Variants in LRRC4B observed in about 807,000 individuals in gnomAD.
LRRC4B encodes leucine rich repeat containing 4B.
LRRC4B carries 1 observed loss-of-function variant against 7.3 expected under a neutral mutation model. That is an observed-to-expected ratio of 0.14 (90% CI 0.05 to 0.65). The LOEUF is 0.65. Among genes scored for constraint, LRRC4B ranks in the 30% least tolerant of loss-of-function variants. The pLI is 0.84. For missense variants in LRRC4B, 730 were observed against 1,041.6 expected (o/e 0.70, Z 4.12); for synonymous variants, 500 against 499.2 (o/e 1.00, Z -0.02).
intron 2 of LRRC4B, among the ~76,000 whole-genome samples, chr19:50,541,109 G>A (rs1356424192): frequency 3.3e-5 from 5 of 151,728 alleles, no homozygotes; most frequent in Admixed American, 6.6e-5. Context: ...GCGTGAACCC[G>A]GGAGGCGGAG....
chr19:50,528,726 G>A (rs533974649), intron 2 of LRRC4B, among the ~76,000 whole-genome samples: 2 of 152,248 alleles, frequency 1.3e-5, no homozygotes, highest in East Asian at 1.9e-4. Flanking sequence ...TGAGACCTCC[G>A]TGAATGCTAT....
At chr19:50,538,183 C>T (rs183216868) in intron 2 of LRRC4B, among the ~76,000 whole-genome samples, 12 of 152,330 alleles carry the variant, frequency 7.9e-5, no homozygotes, top group Non-Finnish European at 1.6e-4. Flanking sequence ...CTGCCTCAGC[C>T]TCCTGAGTAG....
Position 50,548,813 on chromosome 19 carries a change from C to T in LRRC4B, c.26G>A (p.Cys9Tyr). Reference sequence around the variant, plus strand: ...CATCCTACCGGGCGGCAGCGGGGGGCACGGGGAGCCGCGGGCACGCGCCAT... The same window carrying T: ...CATCCTACCGGGCGGCAGCGGGGGGTACGGGGAGCCGCGGGCACGCGCCAT... MARARGSP[C>Y]PPLPPGRMSW... The change falls in exon 2 of 3, where the codon TGC becomes TAC. Residue 9 changes from cysteine to tyrosine, a missense_variant. Physicochemically the swap from Cys to Tyr is radical, Grantham distance 194 (BLOSUM62 -2). Coordinates refer to ENST00000652263, the MANE Select transcript of LRRC4B (RefSeq NM_001080457.2). The surrounding 1 kb of genome is among the most constrained non-coding windows in gnomAD (Gnocchi z 6.8). The T allele has an allele frequency of 6.7e-7, 1 of 1,502,346 alleles. No homozygotes were observed. Among genetic ancestry groups the T allele is most frequent in the South Asian group, 1.3e-5 (1 of 78,598 alleles). 93.1% of individuals were successfully genotyped at this position (1,502,346 alleles called of 1,614,324 possible). A position where few individuals can be genotyped will look rare whatever the true frequency, so the allele number is the denominator to read the frequency against.
In LRRC4B at chr19:50,548,544, G is replaced by T; in HGVS notation, c.295C>A (p.Gln99Lys). The change falls in exon 2 of 3, where the codon CAG (glutamine) becomes AAG (lysine). Residue 99 changes from glutamine to lysine, a missense_variant and splice_region_variant. Physicochemically the swap from Gln to Lys is moderately conservative, Grantham distance 53. This residue lies in a region of LRRC4B where 143 missense variants were observed against 158.4 expected (regional missense o/e 0.90). Transcript: ENST00000652263. This position sits in a 1 kb window ranked among gnomAD's most constrained non-coding sequence, Gnocchi z 6.8. Reference protein sequence around the residue: ...RYLNLQENGIQVIRTDTFKHL... With the variant: ...RYLNLQENGIKVIRTDTFKHL... ...CTCTGCCCGCTGGCCCCGCATACCT[G>T]GATGCCGTTCTCTTGCAGGTTCAGG... is the stretch of plus-strand genomic sequence containing the variant. 6.3e-7 allele frequency: 1 copy of T among 1,594,614 alleles called. No individual in the cohort carries two copies. The highest frequency in any genetic ancestry group is 8.5e-7 in the Non-Finnish European group (1 of 1,177,044).
intron 2 of LRRC4B, among the ~76,000 whole-genome samples, chr19:50,527,036 A>AT (rs35428517): frequency 0.024 from 2,839 of 117,372 alleles, 97 homozygotes; most frequent in African/African-American, 0.085. Context: ...GTATTTTTGT[A>AT]TTTTTTTTTT....
At chr19:50,564,810 G>C (rs1296345744) in intron 1 of LRRC4B, among the ~76,000 whole-genome samples, 2 of 152,046 alleles carry the variant, frequency 1.3e-5, no homozygotes, top group Non-Finnish European at 2.9e-5. Context: ...AGGTGATTGA[G>C]GGGGTGGGGA....
At chr19:50,531,914 T>C (rs563809713) in intron 2 of LRRC4B, among the ~76,000 whole-genome samples, 24 of 152,326 alleles carry the variant, frequency 1.6e-4, no homozygotes, top group African/African-American at 5.8e-4. Context: ...GTTAATTCAG[T>C]TGATAATGAT....
intron 1 of LRRC4B, among the ~76,000 whole-genome samples, chr19:50,559,568 T>A (rs1982397826): frequency 6.6e-6 from 1 of 152,244 alleles, no homozygotes; most frequent in Non-Finnish European, 1.5e-5. Flanking sequence ...TTGGTGGTTT[T>A]TACAACAGTA....
chr19:50,519,485 C>G lies in LRRC4B; in HGVS notation c.298-70G>C. 2 of 1,464,422 alleles carry G rather than the reference C, an allele frequency of 1.4e-6. No individual in the cohort carries two copies. Among genetic ancestry groups the G allele is most frequent in the South Asian group, 2.8e-5 (2 of 72,096 alleles). The allele number at this position is 1,464,422 out of a possible 1,614,324, so 90.7% of individuals were successfully genotyped here. ...GACCGTGGGGGGATCACCAAGGTCC[C>G]GGGCGCAGGTGGGGCCGTGTGGCTG... On this transcript the variant is annotated intron_variant, in intron 2 of 2. Coordinates refer to ENST00000652263, the MANE Select transcript of LRRC4B (RefSeq NM_001080457.2). This position sits in a 1 kb window ranked among gnomAD's most constrained non-coding sequence, Gnocchi z 8.1.
chr19:50,560,564 C>T (rs561348592), intron 1 of LRRC4B, among the ~76,000 whole-genome samples: 1 of 152,340 alleles, frequency 6.6e-6, no homozygotes, highest in East Asian at 1.9e-4. Flanking sequence ...TCCTTCTCCT[C>T]GTCTACCTCA....
chr19:50,526,781 T>C (rs919667927), intron 2 of LRRC4B, among the ~76,000 whole-genome samples: 6 of 152,206 alleles, frequency 3.9e-5, no homozygotes, highest in African/African-American at 1.4e-4. Flanking sequence ...AGCTAATTTA[T>C]GTTAATCATT....
rs1307522612 is a variant in LRRC4B at position 50,520,236 on chromosome 19, A to G, written c.298-821T>C. On this transcript the variant is annotated intron_variant, in intron 2 of 2. Coordinates refer to ENST00000652263, the MANE Select transcript of LRRC4B (RefSeq NM_001080457.2). ...AAAAAAAAAAAAAAAAAAAAAAAAA[A>G]AAAAAAAAAAAGAAGAAAAGAAAAG... Among the ~76,000 whole-genome samples the G allele has an allele frequency of 2.7e-3, 182 of 66,708 alleles. 3 individuals carry two copies. Among genetic ancestry groups the G allele is most frequent in the Non-Finnish European group, 3.1e-3 (113 of 36,566 alleles). 43.8% of individuals were successfully genotyped at this position (66,708 alleles called of 152,430 possible).
At chr19:50,529,266 G>A (rs111569401) in intron 2 of LRRC4B, among the ~76,000 whole-genome samples, 1,580 of 152,058 alleles carry the variant, frequency 0.01, 17 homozygotes, top group African/African-American at 0.023. Flanking sequence ...TTGAAGCTCC[G>A]TGAAGCCCAG....
Position 50,517,469 on chromosome 19 carries a change from A to G in LRRC4B, c.*102T>C. ...CCCCAATTCCCTGCGTGGTCCCAGA[A>G]GGTGGGCTGGGCTGTGGGAGGGAGG... is the stretch of plus-strand genomic sequence containing the variant. On this transcript the variant is annotated 3_prime_UTR_variant, in exon 3 of 3. Coordinates refer to ENST00000652263, the MANE Select transcript of LRRC4B (RefSeq NM_001080457.2). This position sits in a 1 kb window ranked among gnomAD's most constrained non-coding sequence, Gnocchi z 6.6. 2 of 1,078,054 alleles carry G rather than the reference A, an allele frequency of 1.9e-6. No homozygotes were observed. The highest frequency in any genetic ancestry group is 2.4e-6 in the Non-Finnish European group (2 of 830,760). The allele number at this position is 1,078,054 out of a possible 1,614,324, so 66.8% of individuals were successfully genotyped here.
chr19:50,544,906 A>G (rs567177110), intron 2 of LRRC4B, among the ~76,000 whole-genome samples: 8 of 152,024 alleles, frequency 5.3e-5, no homozygotes, highest in African/African-American at 9.7e-5. Flanking sequence ...AAGAAAAAAA[A>G]TCGAGACCAT....
intron 2 of LRRC4B, among the ~76,000 whole-genome samples, chr19:50,527,569 A>C (rs1373545633): frequency 6.6e-6 from 1 of 151,888 alleles, no homozygotes; most frequent in Non-Finnish European, 1.5e-5. Context: ...GTATTTTCTT[A>C]CATCATGAAT....
At chr19:50,538,855 C>T (rs1207437056) in intron 2 of LRRC4B, among the ~76,000 whole-genome samples, 3 of 151,282 alleles carry the variant, frequency 2.0e-5, no homozygotes, top group Non-Finnish European at 4.4e-5. Context: ...AGGTGTGAGC[C>T]ACCGTGCTGG....
chr19:50,539,378 G>A (rs182526361), intron 2 of LRRC4B, among the ~76,000 whole-genome samples: 70 of 152,234 alleles, frequency 4.6e-4, no homozygotes, highest in South Asian at 1.2e-3. Flanking sequence ...CCATTTCCAC[G>A]TCCATAAGAT....
chr19:50,567,373 C>T (rs1982664133), intron 1 of LRRC4B, among the ~76,000 whole-genome samples: 1 of 151,772 alleles, frequency 6.6e-6, no homozygotes, highest in Non-Finnish European at 1.5e-5. Context: ...ACTCCCCAAT[C>T]ACCCCCTCCG....
Sources: allele counts gnomAD v4.1 joint callset (sites outside exome capture counted in the v4.1 genomes callset), GRCh38; gene constraint gnomAD v4.1.1; regional missense constraint gnomAD v4.1.1; non-coding constraint Gnocchi (gnomAD v3.1); transcripts MANE v1.5; gene names NCBI Gene and HGNC (gene_info 2026-07-23, HGNC 2026-07-21).